PLCE1: variants seen among roughly 807,000 people sequenced by gnomAD.
The protein encoded by PLCE1 is phospholipase C epsilon 1.
A neutral mutation model predicts 242.8 loss-of-function variants in PLCE1; 119 were observed. That is an observed-to-expected ratio of 0.49 (90% CI 0.42 to 0.57). The LOEUF (loss-of-function observed/expected upper bound fraction) is 0.57. Ranked by LOEUF, PLCE1 falls within the 20% of genes least tolerant of loss-of-function variation. The pLI is 0.00. For missense variants in PLCE1, 2,441 were observed against 2,788.8 expected, an observed-to-expected ratio of 0.88 and a Z score of 2.81; for synonymous variants, 945 against 1,017.4, an observed-to-expected ratio of 0.93 and a Z score of 1.35.
intron 29 of PLCE1, among the ~76,000 whole-genome samples, chr10:94,317,218 G>A (rs193083990): frequency 1.4e-4 from 22 of 152,298 alleles, no homozygotes; most frequent in Admixed American, 9.2e-4. Context: ...TCGTGCCATT[G>A]TGCTCTGGCC....
intron 1 of PLCE1, among the ~76,000 whole-genome samples, chr10:94,005,379 C>T (rs150755228): frequency 1.2e-4 from 19 of 152,264 alleles, no homozygotes; most frequent in African/African-American, 4.3e-4. Flanking sequence ...CTTTGTTACT[C>T]GTTTTGAAAT....
intron 4 of PLCE1, among the ~76,000 whole-genome samples, chr10:94,174,536 C>G (rs553485426): frequency 6.6e-6 from 1 of 152,162 alleles, no homozygotes; most frequent in African/African-American, 2.4e-5. Flanking sequence ...AGTGGAGAAA[C>G]CCGGTAGACA....
intron 28 of PLCE1, 75 bp downstream of exon 28, chr10:94,313,457 G>C (rs548268780): frequency 2.3e-4 from 360 of 1,543,302 alleles, no homozygotes; most frequent in Non-Finnish European, 2.3e-4. Context: ...ATAAATGCCT[G>C]TGTGTAAACA....
chr10:94,098,724 C>T (rs141683355), intron 2 of PLCE1, among the ~76,000 whole-genome samples: 220 of 152,294 alleles, frequency 1.4e-3, no homozygotes, highest in Non-Finnish European at 2.5e-3. Flanking sequence ...TGGACCTGTA[C>T]GACATTCAGC....
chr10:94,065,249 TTTGGTCCCAGACTC>T lies in PLCE1; in HGVS notation c.1206+33002_1206+33015del, dbSNP rs368510369. Among the ~76,000 whole-genome samples the T allele has an allele frequency of 6.2e-3, 952 of 152,336 alleles. 4 individuals are homozygous for T. Among genetic ancestry groups the T allele is most frequent in the Non-Finnish European group, 9.9e-3 (674 of 68,032 alleles). On this transcript the variant is annotated intron_variant, in intron 2 of 32. Transcript: ENST00000371380. ...TGTCTTTGTTTCAACTGTCCACCAA[TTTGGTCCCAGACTC>T]TTGGATTGCACTGGATTGGTGATAC... is the stretch of plus-strand genomic sequence containing the variant.
intron 2 of PLCE1, among the ~76,000 whole-genome samples, chr10:94,058,374 A>G (rs1173639867): frequency 6.6e-6 from 1 of 152,160 alleles, no homozygotes; most frequent in African/African-American, 2.4e-5. Context: ...ACCTTTCACA[A>G]GTGTGTTCTG....
At chr10:94,007,699 C>CTTTTTTTTTTTTTTTT (rs80098906) in intron 1 of PLCE1, among the ~76,000 whole-genome samples, 2 of 64,130 alleles carry the variant, frequency 3.1e-5, no homozygotes, top group Admixed American at 1.8e-4. Flanking sequence ...AGCCTACTTT[C>CTTTTTTTTTTTTTTTT]TTTTTTTTTT....
intron 2 of PLCE1, among the ~76,000 whole-genome samples, chr10:94,085,970 A>G (rs1467189127): frequency 6.6e-6 from 1 of 152,174 alleles, no homozygotes; most frequent in Non-Finnish European, 1.5e-5. Flanking sequence ...CATGTTCAAA[A>G]TATCTCTCAG....
chr10:94,024,126 C>T (rs960584926), intron 1 of PLCE1, among the ~76,000 whole-genome samples: 2 of 152,062 alleles, frequency 1.3e-5, no homozygotes, highest in South Asian at 2.1e-4. Context: ...ACCGTGTGCA[C>T]GTGATAAGGG....
chr10:94,063,421 A>G (rs1019230365), intron 2 of PLCE1, among the ~76,000 whole-genome samples: 1 of 152,134 alleles, frequency 6.6e-6, no homozygotes, highest in Non-Finnish European at 1.5e-5. Context: ...CCACCATCCT[A>G]GATGGAATAT....
At chr10:94,148,251 A>G (rs2047173917) in intron 3 of PLCE1, among the ~76,000 whole-genome samples, 1 of 152,218 alleles carries the variant, frequency 6.6e-6, no homozygotes, top group Admixed American at 6.5e-5. Context: ...AAATGGCAAG[A>G]ACAAAGGCTT....
chr10:94,154,855 G>A (rs551671674), intron 3 of PLCE1, among the ~76,000 whole-genome samples: 2 of 150,184 alleles, frequency 1.3e-5, no homozygotes, highest in African/African-American at 2.4e-5. Flanking sequence ...CCTAGTCAAC[G>A]TGGCAAGACC....
At position 94,306,375 on chromosome 10, in the gene PLCE1, C is replaced by A; in HGVS notation, c.5623-52C>A. The stretch of plus-strand genomic sequence containing the variant: ...GGAAGCAGTGAGGTGCAGAGGTTGT[C>A]TTTCTTTTTTATCCTCGGTGACTTT... On this transcript the variant is annotated intron_variant, in intron 25 of 32. Transcript: ENST00000371380. This position sits in a 1 kb window ranked among gnomAD's most constrained non-coding sequence, Gnocchi z 5.7. 1 of 1,613,950 alleles carries A rather than the reference C, an allele frequency of 6.2e-7. No homozygotes were observed. Among genetic ancestry groups the A allele is most frequent in the Non-Finnish European group, 8.5e-7 (1 of 1,179,930 alleles).
At chr10:94,176,151 C>G (rs2048120295) in intron 4 of PLCE1, among the ~76,000 whole-genome samples, 1 of 152,166 alleles carries the variant, frequency 6.6e-6, no homozygotes, top group African/African-American at 2.4e-5. Context: ...ATAATCCTAG[C>G]AATTTGGGAG....
chr10:94,106,960 C>CG (rs1468201870), intron 2 of PLCE1: 1 of 142,148 alleles, frequency 7.0e-6, no homozygotes, highest in Non-Finnish European at 1.5e-5. Context: ...CCCCTCCCCC[C>CG]CCCAACACCC....
At chr10:94,237,627 C>G (rs561612672) in intron 7 of PLCE1, among the ~76,000 whole-genome samples, 14 of 152,306 alleles carry the variant, frequency 9.2e-5, no homozygotes, top group African/African-American at 3.4e-4. Flanking sequence ...ATATTGAAAT[C>G]CTCACTTTGA....
At chr10:94,001,258 A>C (rs1432307913) in intron 1 of PLCE1, among the ~76,000 whole-genome samples, 1 of 152,146 alleles carries the variant, frequency 6.6e-6, no homozygotes, top group Non-Finnish European at 1.5e-5. Flanking sequence ...AAAACCTCTT[A>C]TCTCTCTCTT....
intron 4 of PLCE1, among the ~76,000 whole-genome samples, chr10:94,218,189 G>C (rs182181449): frequency 6.6e-6 from 1 of 152,150 alleles, no homozygotes; most frequent in Non-Finnish European, 1.5e-5. Flanking sequence ...CTTTCTGTGT[G>C]ATACAGTTAT....
intron 4 of PLCE1, among the ~76,000 whole-genome samples, chr10:94,212,615 T>C (rs1460238089): frequency 1.3e-5 from 2 of 152,188 alleles, no homozygotes; most frequent in Admixed American, 6.5e-5. Context: ...GGTCTCAAAC[T>C]CCTGAACTCA....
Sources: allele counts gnomAD v4.1 joint callset (sites outside exome capture counted in the v4.1 genomes callset), GRCh38; gene constraint gnomAD v4.1.1; non-coding constraint Gnocchi (gnomAD v3.1); transcripts MANE v1.5; gene names NCBI Gene and HGNC (gene_info 2026-07-23, HGNC 2026-07-21).